Variants in DLG2 observed in about 807,000 individuals in gnomAD.
The protein encoded by DLG2 is discs large MAGUK scaffold protein 2.
DLG2 carries 45 observed loss-of-function variants against 132.5 expected under a neutral mutation model. The ratio of observed to expected loss-of-function variants is 0.34; its 90% CI spans 0.27 to 0.44. The LOEUF (loss-of-function observed/expected upper bound fraction) is 0.44, where lower values mean the gene tolerates loss of function less well. DLG2 is among the 20% of genes least tolerant of loss of function. DLG2 has a pLI of 1.00. For missense variants in DLG2, 1,045 were observed against 1,196.9 expected (o/e 0.87, Z 1.87); for synonymous variants, 424 against 419.6 (o/e 1.01, Z -0.13).
intron 6 of DLG2, among the ~76,000 whole-genome samples, chr11:84,546,007 C>T (rs905774334): frequency 2.0e-5 from 3 of 152,090 alleles, no homozygotes; most frequent in South Asian, 2.1e-4. Flanking sequence ...CCATCCGCCT[C>T]GGCCTCCCGA....
At chr11:84,415,243 C>G (rs1444213013) in intron 7 of DLG2, among the ~76,000 whole-genome samples, 1 of 152,186 alleles carries the variant, frequency 6.6e-6, no homozygotes, top group African/African-American at 2.4e-5. Context: ...GGTAGAAGAA[C>G]TATGGATGTC....
At chr11:83,557,097 C>G (rs2096534240) in intron 19 of DLG2, among the ~76,000 whole-genome samples, 1 of 152,140 alleles carries the variant, frequency 6.6e-6, no homozygotes, top group Non-Finnish European at 1.5e-5. Flanking sequence ...TTACCTGGGT[C>G]CCAGTATTTC....
chr11:85,001,658 T>C (rs562588118), intron 6 of DLG2, among the ~76,000 whole-genome samples: 1 of 152,298 alleles, frequency 6.6e-6, no homozygotes, highest in Admixed American at 6.5e-5. Context: ...GCAGTGAAAG[T>C]ACTGCTTATG....
chr11:84,480,557 GA>G (rs1202612172), intron 7 of DLG2, among the ~76,000 whole-genome samples: 1 of 151,752 alleles, frequency 6.6e-6, no homozygotes, highest in Admixed American at 6.6e-5. Context: ...AAAAAAGAAA[GA>G]AAAAAATGGT....
chr11:85,525,167 T>C (rs560523054), intron 3 of DLG2: 1 of 152,286 alleles, frequency 6.6e-6, no homozygotes, highest in African/African-American at 2.4e-5. Context: ...AGAATAAAAT[T>C]TAAAATCCTT....
chr11:85,237,687 T>A (rs1205989266), intron 4 of DLG2, among the ~76,000 whole-genome samples: 1 of 152,010 alleles, frequency 6.6e-6, no homozygotes, highest in East Asian at 1.9e-4. Context: ...CTGTCTGTAG[T>A]TTAGATGCAA....
At chr11:85,092,097 T>C (rs754402651) in intron 6 of DLG2, among the ~76,000 whole-genome samples, 2 of 152,246 alleles carry the variant, frequency 1.3e-5, no homozygotes, top group Non-Finnish European at 2.9e-5. Flanking sequence ...CCTTGATCCA[T>C]GGGCTGCAGA....
At chr11:84,203,979 C>T (rs11233944) in intron 8 of DLG2, among the ~76,000 whole-genome samples, 5,829 of 152,118 alleles carry the variant, frequency 0.038, 373 homozygotes, top group African/African-American at 0.13. Context: ...ATTTTTGAGA[C>T]GGAGTTTTGC....
At chr11:84,455,707 T>TG (rs2099063522) in intron 7 of DLG2, among the ~76,000 whole-genome samples, 1 of 151,408 alleles carries the variant, frequency 6.6e-6, no homozygotes, top group Non-Finnish European at 1.5e-5. Context: ...TACTTTTCAT[T>TG]GGGCATTTAA....
intron 21 of DLG2, among the ~76,000 whole-genome samples, chr11:83,501,202 CTTTTTT>C (rs66954557): frequency 8.0e-5 from 11 of 137,628 alleles, no homozygotes; most frequent in African/African-American, 2.7e-4. Context: ...TTTTTCTTTT[CTTTTTT>C]TTTTTTTTGG....
At chr11:84,708,735 G>A (rs1202771225) in intron 6 of DLG2, among the ~76,000 whole-genome samples, 1 of 151,744 alleles carries the variant, frequency 6.6e-6, no homozygotes, top group African/African-American at 2.4e-5. Context: ...TGGCTTGAGA[G>A]ACCAACCATA....
intron 16 of DLG2, among the ~76,000 whole-genome samples, chr11:83,862,496 T>C: frequency 6.6e-6 from 1 of 152,178 alleles, no homozygotes. Context: ...AAAAATATAT[T>C]TATAAATTTA....
intron 3 of DLG2, among the ~76,000 whole-genome samples, chr11:85,331,202 T>C (rs1369836585): frequency 6.6e-6 from 1 of 152,168 alleles, no homozygotes; most frequent in African/African-American, 2.4e-5. Flanking sequence ...ACATGTGGCA[T>C]GGGTTTCAAC....
chr11:85,197,088 A>G (rs1270793320), intron 4 of DLG2, among the ~76,000 whole-genome samples: 1 of 152,212 alleles, frequency 6.6e-6, no homozygotes, highest in Non-Finnish European at 1.5e-5. Flanking sequence ...GGCTTGTGAA[A>G]TGTGGTTTAG....
chr11:85,592,902 G>A (rs2079461995), intron 3 of DLG2, among the ~76,000 whole-genome samples: 1 of 151,016 alleles, frequency 6.6e-6, no homozygotes, highest in Non-Finnish European at 1.5e-5. Flanking sequence ...GCAGTGAGCT[G>A]AGACTGCACC....
At chr11:84,023,263 T>C (rs917296973) in intron 11 of DLG2, among the ~76,000 whole-genome samples, 6 of 152,156 alleles carry the variant, frequency 3.9e-5, no homozygotes, top group Non-Finnish European at 7.4e-5. Flanking sequence ...CTAAATGATA[T>C]TGACTGGTAA....
chr11:85,415,115 G>A (rs1047548138), intron 3 of DLG2, among the ~76,000 whole-genome samples: 2 of 152,078 alleles, frequency 1.3e-5, no homozygotes, highest in African/African-American at 4.8e-5. Context: ...GCAGTGTTTG[G>A]TTTTCTCTTC....
intron 21 of DLG2, among the ~76,000 whole-genome samples, chr11:83,498,139 T>G (rs1415656329): frequency 2.6e-5 from 4 of 152,166 alleles, no homozygotes; most frequent in Non-Finnish European, 5.9e-5. Flanking sequence ...TTTCACATAA[T>G]GAAGTGTTAT....
At position 84,437,190 on chromosome 11, in the gene DLG2, C is replaced by T. The variant is rs563975452; in HGVS notation, c.519+97380G>A. On this transcript the variant is annotated intron_variant, in intron 7 of 27. Coordinates refer to ENST00000376104, the MANE Select transcript of DLG2 (RefSeq NM_001142699.3). ...GCATTTTGAATAGCCAATGATCTTG[C>T]TTAACCCTTAATGCTCCCCTCCCAA... Among the ~76,000 whole-genome samples, 6 of 152,264 alleles carry T rather than the reference C, an allele frequency of 3.9e-5. No individual in the cohort carries two copies. In the East Asian group the frequency reaches 9.7e-4, roughly 25 times the overall value.
Sources: allele counts gnomAD v4.1 joint callset (sites outside exome capture counted in the v4.1 genomes callset), GRCh38; gene constraint gnomAD v4.1.1; transcripts MANE v1.5; gene names NCBI Gene and HGNC (gene_info 2026-07-23, HGNC 2026-07-21).